C8orf34: variants seen among roughly 807,000 people sequenced by gnomAD.
C8orf34 encodes uncharacterized protein C8orf34.
Under a neutral mutation model 68.3 loss-of-function variants are expected in C8orf34, and 65 were observed. The observed-to-expected ratio is 0.95, with a 90% CI of 0.78 to 1.17. The LOEUF is 1.17. Ranked by LOEUF, C8orf34 falls within the 50% of genes most tolerant of loss-of-function variation. C8orf34 has a pLI of 0.00. For synonymous variants in C8orf34, 244 were observed against 241.2 expected, an observed-to-expected ratio of 1.01 and a Z score of -0.11; for missense variants, 664 against 655.4, an observed-to-expected ratio of 1.01 and a Z score of -0.14.
intron 1 of C8orf34, among the ~76,000 whole-genome samples, chr8:68,416,773 C>T (rs1023987090): frequency 4.6e-5 from 7 of 151,994 alleles, no homozygotes; most frequent in Non-Finnish European, 8.8e-5. Context: ...TCACGTGACC[C>T]GCCCATCTCA....
At chr8:68,792,092 A>T (rs1398268548) in intron 12 of C8orf34, 1 of 152,192 alleles carries the variant, frequency 6.6e-6, no homozygotes, top group Non-Finnish European at 1.5e-5. Flanking sequence ...TGGGGCATTT[A>T]GAACTCCCAA....
intron 7 of C8orf34, among the ~76,000 whole-genome samples, chr8:68,591,151 T>C (rs79915277): frequency 6.3e-4 from 96 of 152,260 alleles, no homozygotes; most frequent in African/African-American, 2.2e-3. Context: ...AGCTGAGATA[T>C]GGCATGAAAG....
intron 7 of C8orf34, among the ~76,000 whole-genome samples, chr8:68,629,886 A>C (rs1165938020): frequency 6.6e-6 from 1 of 152,084 alleles, no homozygotes; most frequent in Non-Finnish European, 1.5e-5. Flanking sequence ...AAGTGAAGTA[A>C]TGATAAGGGC....
chr8:68,355,682 G>A (rs1806715850), intron 1 of C8orf34, among the ~76,000 whole-genome samples: 1 of 152,104 alleles, frequency 6.6e-6, no homozygotes, highest in African/African-American at 2.4e-5. Flanking sequence ...AAAGATCTTG[G>A]TGATGGTGTA....
intron 12 of C8orf34, among the ~76,000 whole-genome samples, chr8:68,800,332 A>G (rs1192361816): frequency 6.6e-6 from 1 of 152,160 alleles, no homozygotes; most frequent in Non-Finnish European, 1.5e-5. Flanking sequence ...TCCCTGAGAC[A>G]CATTTTTTGT....
intron 10 of C8orf34, among the ~76,000 whole-genome samples, chr8:68,727,992 C>T (rs1332595282): frequency 2.6e-5 from 4 of 152,148 alleles, no homozygotes; most frequent in African/African-American, 9.7e-5. Context: ...TGAATTTCTC[C>T]CCAGAAAATG....
chr8:68,360,115 C>T (rs1806920946), intron 1 of C8orf34, among the ~76,000 whole-genome samples: 1 of 152,160 alleles, frequency 6.6e-6, no homozygotes, highest in African/African-American at 2.4e-5. Flanking sequence ...GGCCCAGTTA[C>T]CATTCTTTCT....
intron 7 of C8orf34, among the ~76,000 whole-genome samples, chr8:68,620,450 A>T (rs1479987587): frequency 6.6e-6 from 1 of 152,116 alleles, no homozygotes; most frequent in Non-Finnish European, 1.5e-5. Context: ...GTCACCAGGG[A>T]GAAGAGCTGT....
intron 11 of C8orf34, among the ~76,000 whole-genome samples, chr8:68,786,610 G>A (rs1238552347): frequency 1.3e-5 from 2 of 152,160 alleles, no homozygotes; most frequent in African/African-American, 4.8e-5. Context: ...AGACAGATAA[G>A]GAAATGCATT....
chr8:68,561,270 A>G (rs1191443145), intron 7 of C8orf34, among the ~76,000 whole-genome samples: 2 of 152,042 alleles, frequency 1.3e-5, no homozygotes, highest in Non-Finnish European at 2.9e-5. Flanking sequence ...GGCATGAGCC[A>G]CCACACCCAA....
rs534132315 is a variant in C8orf34 at position 68,357,516 on chromosome 8, C to G, written c.327+26177C>G. On this transcript the variant is annotated intron_variant, in intron 1 of 13. Coordinates refer to ENST00000518698, the MANE Select transcript of C8orf34 (RefSeq NM_052958.4). ...AACATTACTAGGTTCATCAGTGGTT[C>G]AGTTTTAAAAAATAATATTCAGGGA... Among the ~76,000 whole-genome samples, 5 of 152,226 alleles carry G rather than the reference C, an allele frequency of 3.3e-5. No individual in the cohort carries two copies. In the South Asian group the frequency reaches 1.0e-3, roughly 32 times the overall value.
intron 6 of C8orf34, among the ~76,000 whole-genome samples, chr8:68,527,107 C>G (rs976350634): frequency 4.6e-5 from 7 of 152,114 alleles, no homozygotes; most frequent in African/African-American, 1.7e-4. Context: ...CTCATCAGGC[C>G]TCTTTTTGTA....
intron 1 of C8orf34, among the ~76,000 whole-genome samples, chr8:68,404,511 T>C (rs2944716): frequency 0.54 from 82,461 of 151,896 alleles, 22,822 homozygotes; most frequent in Non-Finnish European, 0.62. Flanking sequence ...GTTTTAGGTC[T>C]TATGTTTAAG....
chr8:68,815,454 G>A (rs1482967490), intron 12 of C8orf34, among the ~76,000 whole-genome samples: 1 of 151,916 alleles, frequency 6.6e-6, no homozygotes, highest in Non-Finnish European at 1.5e-5. Context: ...TTATAATTTT[G>A]TAGCATCACA....
intron 5 of C8orf34, among the ~76,000 whole-genome samples, chr8:68,521,075 A>T (rs925631316): frequency 6.6e-6 from 1 of 152,190 alleles, no homozygotes; most frequent in Non-Finnish European, 1.5e-5. Context: ...TGAAGAAATG[A>T]ATGAATTAGT....
chr8:68,782,172 A>G (rs1823695587), intron 11 of C8orf34, among the ~76,000 whole-genome samples: 1 of 152,144 alleles, frequency 6.6e-6, no homozygotes, highest in Non-Finnish European at 1.5e-5. Context: ...TATTTTTCAT[A>G]TTTCTTCTTT....
chr8:68,505,102 G>T (rs1813950090), intron 5 of C8orf34, among the ~76,000 whole-genome samples: 1 of 152,074 alleles, frequency 6.6e-6, no homozygotes, highest in Non-Finnish European at 1.5e-5. Flanking sequence ...ACCATGCCTA[G>T]CCCCAAATTG....
intron 6 of C8orf34, among the ~76,000 whole-genome samples, chr8:68,527,129 G>C (rs1226568619): frequency 6.6e-6 from 1 of 152,142 alleles, no homozygotes; most frequent in African/African-American, 2.4e-5. Context: ...ACTTTCTCTT[G>C]ATGTGGGATA....
intron 1 of C8orf34, among the ~76,000 whole-genome samples, chr8:68,409,500 G>A (rs1384450571): frequency 6.6e-6 from 1 of 152,154 alleles, no homozygotes; most frequent in Non-Finnish European, 1.5e-5. Context: ...TATAGAATAA[G>A]GGTATAAAGA....
Sources: allele counts gnomAD v4.1 joint callset (sites outside exome capture counted in the v4.1 genomes callset), GRCh38; gene constraint gnomAD v4.1.1; transcripts MANE v1.5; gene names NCBI Gene and HGNC (gene_info 2026-07-23, HGNC 2026-07-21).